Variants in BRMS1L observed in about 807,000 individuals in gnomAD.
BRMS1L encodes the protein BRMS1 like transcriptional repressor, also known as breast cancer metastasis-suppressor 1-like protein.
A neutral mutation model predicts 50.3 loss-of-function variants in BRMS1L; 23 were observed. The ratio of observed to expected loss-of-function variants is 0.46; its 90% CI spans 0.33 to 0.65. BRMS1L has a LOEUF of 0.65. BRMS1L is among the 30% of genes least tolerant of loss of function. BRMS1L has a pLI of 0.02. For missense variants in BRMS1L, 286 were observed against 386.1 expected (o/e 0.74, Z 2.17); for synonymous variants, 114 against 126.9 (o/e 0.90, Z 0.69).
intron 1 of BRMS1L, among the ~76,000 whole-genome samples, chr14:35,828,841 G>A (rs372781185): frequency 1.3e-5 from 2 of 152,328 alleles, no homozygotes; most frequent in East Asian, 3.9e-4. Context: ...TGCCCGATAT[G>A]GGAAGGGGAG....
intron 4 of BRMS1L, among the ~76,000 whole-genome samples, chr14:35,845,231 T>A (rs1217078942): frequency 6.6e-6 from 1 of 152,266 alleles, no homozygotes; most frequent in East Asian, 1.9e-4. Flanking sequence ...CTTGTTTTAA[T>A]GGCACTGATA....
At chr14:35,859,465 G>T (rs183511218) in intron 4 of BRMS1L, among the ~76,000 whole-genome samples, 72 of 152,250 alleles carry the variant, frequency 4.7e-4, no homozygotes, top group Admixed American at 9.8e-4. Context: ...CTTTTGTAAA[G>T]TCTCTTACCA....
chr14:35,865,408 A>G (rs1338307527), intron 7 of BRMS1L, among the ~76,000 whole-genome samples: 1 of 152,166 alleles, frequency 6.6e-6, no homozygotes, highest in East Asian at 1.9e-4. Context: ...ACATTCAAGA[A>G]TCATAGGCTT....
chr14:35,830,654 G>A (rs1428422636), intron 1 of BRMS1L, among the ~76,000 whole-genome samples: 2 of 151,992 alleles, frequency 1.3e-5, no homozygotes, highest in African/African-American at 2.4e-5. Context: ...CACCACACCC[G>A]GCCACTTTTC....
At position 35,855,906 on chromosome 14, in the gene BRMS1L, T is replaced by C. The variant is rs777571390; in HGVS notation, c.442-6684T>C. Among the ~76,000 whole-genome samples, 8 of 152,326 alleles carry C rather than the reference T, an allele frequency of 5.3e-5. No homozygotes were observed. The East Asian group carries it at 1.4e-3, about 26-fold the overall frequency. On this transcript the variant is annotated intron_variant, in intron 4 of 9. Coordinates refer to ENST00000216807, the MANE Select transcript of BRMS1L (RefSeq NM_032352.4). ...ACTGAGGCTAATAGATGTTGAGTAA[T>C]TTGCTCAGGGTCACACAATTAATGA...
chr14:35,834,810 C>T, intron 3 of BRMS1L, 34 bp from the exon 4 acceptor site: 1 of 1,401,006 alleles, frequency 7.1e-7, no homozygotes, highest in Non-Finnish European at 9.5e-7. Context: ...CTTCTCATTG[C>T]TAACATAATC....
Position 35,870,479 on chromosome 14 carries a change from C to T in BRMS1L, c.*2C>T. 5 of 1,556,896 alleles carry T rather than the reference C, an allele frequency of 3.2e-6. No homozygotes were observed. The highest frequency in any genetic ancestry group is 2.3e-5 in the East Asian group (1 of 44,232). ...AAATATTCAATTAAACATTCATAAT[C>T]ATGATTTAAGTGTTATCTAAATTTA... On this transcript the variant is annotated 3_prime_UTR_variant, in exon 10 of 10. Coordinates refer to ENST00000216807, the MANE Select transcript of BRMS1L (RefSeq NM_032352.4).
At chr14:35,826,910 G>C (rs2077853725) in intron 1 of BRMS1L, 1 of 510,732 alleles carries the variant, frequency 2.0e-6, no homozygotes, top group Non-Finnish European at 3.4e-6. Context: ...TCCTGCCCCC[G>C]GTGGTGCTCT....
chr14:35,832,777 T>C (rs1016838578), intron 2 of BRMS1L, among the ~76,000 whole-genome samples: 2 of 151,954 alleles, frequency 1.3e-5, no homozygotes, highest in African/African-American at 2.4e-5. Flanking sequence ...CATTAAAGAG[T>C]GATAGATAGA....
At chr14:35,841,423 C>T (rs188197930) in intron 4 of BRMS1L, among the ~76,000 whole-genome samples, 7 of 152,066 alleles carry the variant, frequency 4.6e-5, no homozygotes, top group East Asian at 1.9e-4. Flanking sequence ...CTCAGCCTCC[C>T]GAGTAGCTGG....
chr14:35,856,769 C>T (rs1297820126), intron 4 of BRMS1L, among the ~76,000 whole-genome samples: 2 of 152,002 alleles, frequency 1.3e-5, no homozygotes, highest in Non-Finnish European at 2.9e-5. Context: ...CATCTGCCAC[C>T]ACACTGGCTA....
chr14:35,859,443 C>A (rs1348300579), intron 4 of BRMS1L, among the ~76,000 whole-genome samples: 1 of 152,166 alleles, frequency 6.6e-6, no homozygotes, highest in Non-Finnish European at 1.5e-5. Flanking sequence ...TATCTTCTAG[C>A]TTCCAGCGTT....
At chr14:35,827,281 T>C (rs1228466190) in intron 1 of BRMS1L, among the ~76,000 whole-genome samples, 2 of 152,188 alleles carry the variant, frequency 1.3e-5, no homozygotes, top group Non-Finnish European at 2.9e-5. Flanking sequence ...AGTCTTTTCT[T>C]CCCTTCAGTT....
intron 8 of BRMS1L, 58 bp downstream of exon 8, chr14:35,865,819 T>G: frequency 6.9e-7 from 1 of 1,455,758 alleles, no homozygotes; most frequent in Non-Finnish European, 9.4e-7. Flanking sequence ...TGAATCAGGG[T>G]TGTTATCTAC....
chr14:35,826,624 G>C lies in BRMS1L; in HGVS notation c.108G>C (p.Glu36Asp). ...EGSSSEDEDTESSSVSEDGDS... is the reference protein window; with the variant it reads ...EGSSSEDEDTDSSSVSEDGDS... Reference sequence around the variant, plus strand: ...GCAGCTCCGAGGACGAGGACACTGAGAGCTCGTCGGTCTCCGAGGATGGAG... The same window carrying C: ...GCAGCTCCGAGGACGAGGACACTGACAGCTCGTCGGTCTCCGAGGATGGAG... The change falls in exon 1 of 10, where the codon GAG (glutamate) becomes GAC (aspartate). Residue 36 changes from glutamate to aspartate, a missense_variant. Coordinates refer to ENST00000216807, the MANE Select transcript of BRMS1L (RefSeq NM_032352.4). 6.2e-7 allele frequency: 1 copy of C among 1,612,586 alleles called. No homozygotes were observed. The highest frequency in any genetic ancestry group is 8.5e-7 in the Non-Finnish European group (1 of 1,179,590).
chr14:35,829,703 A>G (rs535126856), intron 1 of BRMS1L: 4 of 496,956 alleles, frequency 8.0e-6, no homozygotes, highest in Non-Finnish European at 1.2e-5. Flanking sequence ...AGCCAGAAGT[A>G]TTTTTAATCT....
chr14:35,828,669 TG>T (rs1196818162), intron 1 of BRMS1L, among the ~76,000 whole-genome samples: 1 of 152,044 alleles, frequency 6.6e-6, no homozygotes, highest in Non-Finnish European at 1.5e-5. Context: ...TTGGCCAGGA[TG>T]GTCTTGAACT....
chr14:35,868,004 A>G lies in BRMS1L; in HGVS notation c.826A>G (p.Ile276Val). The G allele has an allele frequency of 6.2e-7, 1 of 1,603,838 alleles. No homozygotes were observed. Among genetic ancestry groups the G allele is most frequent in the Non-Finnish European group, 8.5e-7 (1 of 1,177,138 alleles). The change falls in exon 9 of 10, where the codon ATT becomes GTT. Residue 276 changes from isoleucine (I) to valine (V), a missense_variant. Physicochemically the swap from Ile to Val is conservative, Grantham distance 29. Around this residue, in one of 5 missense-constraint regions of BRMS1L, gnomAD observed 49 missense variants for 39.1 expected, o/e 1.25. Transcript: ENST00000216807. The stretch of plus-strand genomic sequence containing the variant: ...GTATATACGTGGACAAACAATATGT[A>G]TTGATAAAAAAGATGAATGTCCTAC... ...EWYIRGQTICIDKKDECPTSA... is the reference protein window; with the variant it reads ...EWYIRGQTICVDKKDECPTSA...
At position 35,864,996 on chromosome 14, in the gene BRMS1L, G is replaced by A; in HGVS notation, c.684G>A (p.Arg228=). 1 of 1,571,896 alleles carries A rather than the reference G, an allele frequency of 6.4e-7. No homozygotes were observed. Among genetic ancestry groups the A allele is most frequent in the Non-Finnish European group, 8.6e-7 (1 of 1,159,048 alleles). Residue 228 remains arginine, a synonymous_variant, in exon 7 of 10, where the codon AGG becomes AGA. Coordinates refer to ENST00000216807, the MANE Select transcript of BRMS1L (RefSeq NM_032352.4). ...LDILEDWTTI[R]KAMATLGPHR... ...TTCTTGAAGACTGGACAACAATTAG[G>A]AAGGTATGATTAATGAGCAGTGGAA...
Sources: gnomAD v4.1 joint callset for allele counts (sites outside exome capture counted in the v4.1 genomes callset) on GRCh38, gnomAD v4.1.1 for gene constraint, gnomAD v4.1.1 regional missense constraint, MANE v1.5 for transcripts, NCBI Gene and HGNC (gene_info 2026-07-23, HGNC 2026-07-21) for gene names.